EFR3A: variants seen among roughly 807,000 people sequenced by gnomAD.
The protein encoded by EFR3A is EFR3 homolog A.
In EFR3A, 76 loss-of-function variants were observed where a neutral mutation model predicts 104.4. The ratio of observed to expected loss-of-function variants is 0.73; its 90% CI spans 0.60 to 0.88. EFR3A has a LOEUF of 0.88. Among genes scored for constraint, EFR3A ranks in the 40% least tolerant of loss-of-function variants. The probability of loss-of-function intolerance (pLI) is 0.00; values close to 1 mark genes in which losing one functional copy is unlikely to be tolerated. For synonymous variants in EFR3A, 330 were observed against 330.0 expected, an observed-to-expected ratio of 1.00 and a Z score of 0.00; for missense variants, 985 against 1,012.5, an observed-to-expected ratio of 0.97 and a Z score of 0.37.
At chr8:131,956,627 A>G (rs1286257336) in intron 7 of EFR3A, among the ~76,000 whole-genome samples, 1 of 152,216 alleles carries the variant, frequency 6.6e-6, no homozygotes. Flanking sequence ...TAGAATATGT[A>G]TGATATTCTA....
intron 16 of EFR3A, among the ~76,000 whole-genome samples, chr8:131,985,971 T>G (rs916772220): frequency 6.6e-6 from 1 of 152,240 alleles, no homozygotes; most frequent in Non-Finnish European, 1.5e-5. Flanking sequence ...ATATATTATT[T>G]TATTGTCACA....
intron 3 of EFR3A, 59 bp from the exon 4 acceptor site, chr8:131,946,401 ATTTCAGTTCTTCCAATGTAAAGC>A: frequency 7.6e-7 from 1 of 1,308,226 alleles, no homozygotes; most frequent in Admixed American, 3.6e-5. Flanking sequence ...CAATAGACTT[ATTTCAGTTCTTCCAATGTAAAGC>A]ACTTAGGAGA....
chr8:131,910,441 G>A (rs1446734019), intron 1 of EFR3A, among the ~76,000 whole-genome samples: 1 of 151,974 alleles, frequency 6.6e-6, no homozygotes, highest in Non-Finnish European at 1.5e-5. Context: ...CTGGCTAATT[G>A]TTTTGTATTT....
intron 14 of EFR3A, among the ~76,000 whole-genome samples, chr8:131,981,928 A>G (rs532611138): frequency 6.6e-6 from 1 of 152,264 alleles, no homozygotes; most frequent in East Asian, 1.9e-4. Context: ...ACAACTCACT[A>G]TATAGTTTCT....
intron 1 of EFR3A, among the ~76,000 whole-genome samples, chr8:131,929,273 C>T (rs115209336): frequency 0.02 from 3,002 of 152,104 alleles, 47 homozygotes; most frequent in South Asian, 0.042. Flanking sequence ...TCCTCTTTAC[C>T]TTCTATACTC....
In EFR3A at chr8:131,940,489, T is replaced by C; in HGVS notation, c.11-10T>C. 6.3e-7 allele frequency: 1 copy of C among 1,576,040 alleles called. No homozygotes were observed. Among genetic ancestry groups the C allele is most frequent in the Non-Finnish European group, 8.6e-7 (1 of 1,161,802 alleles). ...ATATCTGTATTTCTTGATTTTTTTT[T>C]TTTTAACAGGAGTATGCTGCTGCTG... On this transcript the variant is annotated splice_polypyrimidine_tract_variant and intron_variant, in intron 1 of 22. Transcript: ENST00000254624.
intron 6 of EFR3A, among the ~76,000 whole-genome samples, chr8:131,954,708 C>A (rs1818889849): frequency 2.0e-5 from 3 of 150,682 alleles, no homozygotes; most frequent in Admixed American, 2.0e-4. Flanking sequence ...CAGTATTCTC[C>A]AATGGCTTAT....
chr8:131,917,257 G>C (rs1816782890), intron 1 of EFR3A, among the ~76,000 whole-genome samples: 1 of 152,360 alleles, frequency 6.6e-6, no homozygotes, highest in African/African-American at 2.4e-5. Flanking sequence ...GTATCAGTCA[G>C]CTCTTGGAGT....
chr8:131,909,402 C>T (rs1334981784), intron 1 of EFR3A, among the ~76,000 whole-genome samples: 3 of 151,886 alleles, frequency 2.0e-5, no homozygotes, highest in Non-Finnish European at 4.4e-5. Context: ...TAAAAATTAG[C>T]CAGGTGTGTT....
chr8:131,926,273 A>G (rs971238557), intron 1 of EFR3A, among the ~76,000 whole-genome samples: 1 of 152,150 alleles, frequency 6.6e-6, no homozygotes, highest in African/African-American at 2.4e-5. Flanking sequence ...AACCATTTTT[A>G]TTGTCTGTGA....
chr8:131,936,306 C>G (rs549350861), intron 1 of EFR3A, among the ~76,000 whole-genome samples: 1 of 152,238 alleles, frequency 6.6e-6, no homozygotes, highest in African/African-American at 2.4e-5. Flanking sequence ...ACTATACTGT[C>G]ACAATACTTG....
chr8:131,973,205 C>G (rs1820162983), intron 10 of EFR3A, among the ~76,000 whole-genome samples: 1 of 151,756 alleles, frequency 6.6e-6, no homozygotes, highest in Non-Finnish European at 1.5e-5. Context: ...ACCATGGAGT[C>G]ATAATAAAGC....
At chr8:131,924,202 G>T in intron 1 of EFR3A, 1 of 352,870 alleles carries the variant, frequency 2.8e-6, no homozygotes, top group Non-Finnish European at 5.9e-6. Context: ...AATTATTTCT[G>T]CATACCCCAT....
intron 7 of EFR3A, among the ~76,000 whole-genome samples, chr8:131,957,305 C>T (rs372855035): frequency 6.8e-6 from 1 of 147,280 alleles, no homozygotes; most frequent in Admixed American, 6.8e-5. Flanking sequence ...TCTAGCAGAT[C>T]AAAACAAATA....
intron 1 of EFR3A, among the ~76,000 whole-genome samples, chr8:131,936,722 A>G (rs1332624084): frequency 3.9e-5 from 6 of 152,138 alleles, no homozygotes; most frequent in African/African-American, 1.4e-4. Context: ...TATAAAGGCT[A>G]TTAAGAAGGA....
chr8:131,904,263 G>T lies in EFR3A; in HGVS notation c.-50G>T. ...CGTCATGGTGCCGTCGGCGCTCCCT[G>T]CGCGGCCCCGCTGAGCCTCGGTGCG... On this transcript the variant is annotated 5_prime_UTR_variant, in exon 1 of 23. Transcript: ENST00000254624. 1 of 1,282,174 alleles carries T rather than the reference G, an allele frequency of 7.8e-7. No individual in the cohort carries two copies. The highest frequency in any genetic ancestry group is 9.9e-7 in the Non-Finnish European group (1 of 1,012,690). 79.4% of individuals were successfully genotyped at this position (1,282,174 alleles called of 1,614,324 possible).
chr8:131,915,858 T>A (rs749526710), intron 1 of EFR3A, among the ~76,000 whole-genome samples: 5 of 152,164 alleles, frequency 3.3e-5, no homozygotes, highest in African/African-American at 9.7e-5. Flanking sequence ...GCATGGTAAT[T>A]TTGTCTTTTA....
chr8:131,963,806 G>A (rs893892038), intron 8 of EFR3A, among the ~76,000 whole-genome samples: 25 of 152,084 alleles, frequency 1.6e-4, no homozygotes, highest in Admixed American at 1.2e-3. Context: ...GATGAACATC[G>A]ATGCAAAAAT....
chr8:131,920,629 G>T (rs1019529869), intron 1 of EFR3A, among the ~76,000 whole-genome samples: 2 of 151,918 alleles, frequency 1.3e-5, no homozygotes, highest in Admixed American at 1.3e-4. Flanking sequence ...TAATTTTTTG[G>T]CAGCTGCACA....
Sources: allele counts gnomAD v4.1 joint callset (sites outside exome capture counted in the v4.1 genomes callset), GRCh38; gene constraint gnomAD v4.1.1; transcripts MANE v1.5; gene names NCBI Gene and HGNC (gene_info 2026-07-23, HGNC 2026-07-21).